The following ADGRB3 variants were observed in gnomAD, a reference collection of about 807,000 sequenced individuals.
The protein encoded by ADGRB3 is brain-specific angiogenesis inhibitor 3.
In ADGRB3, 37 loss-of-function variants were observed where a neutral mutation model predicts 193.4. The observed-to-expected ratio is 0.19, with a 90% CI of 0.15 to 0.25. ADGRB3 has a LOEUF of 0.25. ADGRB3 is among the 10% of genes least tolerant of loss of function. ADGRB3 has a pLI of 1.00. For synonymous variants in ADGRB3, 690 were observed against 644.2 expected, an observed-to-expected ratio of 1.07 and a Z score of -1.08; for missense variants, 1,637 against 1,852.9, an observed-to-expected ratio of 0.88 and a Z score of 2.14.
intron 3 of ADGRB3, among the ~76,000 whole-genome samples, chr6:68,685,128 AG>A (rs1764960060): frequency 6.6e-6 from 1 of 152,168 alleles, no homozygotes; most frequent in Non-Finnish European, 1.5e-5. Context: ...ACACAGACAG[AG>A]GTAGAGTTTC....
At chr6:69,065,765 AC>A (rs1771884855) in intron 16 of ADGRB3, among the ~76,000 whole-genome samples, 1 of 62,224 alleles carries the variant, frequency 1.6e-5, no homozygotes, top group Non-Finnish European at 4.2e-5. Flanking sequence ...GTATATATAT[AC>A]ACACACACAC....
At chr6:69,349,566 C>T (rs901620578) in intron 26 of ADGRB3, among the ~76,000 whole-genome samples, 23 of 152,126 alleles carry the variant, frequency 1.5e-4, no homozygotes, top group Admixed American at 5.9e-4. Context: ...TATCATAATA[C>T]ATATGAAATT....
intron 29 of ADGRB3, among the ~76,000 whole-genome samples, chr6:69,364,141 C>T (rs1769518494): frequency 6.6e-6 from 1 of 151,930 alleles, no homozygotes; most frequent in South Asian, 2.1e-4. Flanking sequence ...CCTCAGGATA[C>T]TTTCAAGGAT....
chr6:68,784,767 T>G (rs1766926026), intron 3 of ADGRB3, among the ~76,000 whole-genome samples: 1 of 152,132 alleles, frequency 6.6e-6, no homozygotes, highest in Non-Finnish European at 1.5e-5. Flanking sequence ...GATTTTACTT[T>G]CTCGTATGCA....
At chr6:68,799,391 C>T (rs1478318176) in intron 3 of ADGRB3, among the ~76,000 whole-genome samples, 2 of 152,060 alleles carry the variant, frequency 1.3e-5, no homozygotes, top group Non-Finnish European at 2.9e-5. Flanking sequence ...ATAAAGAAGA[C>T]AGAAGTTTGG....
At chr6:69,099,957 G>A (rs1033025196) in intron 17 of ADGRB3, among the ~76,000 whole-genome samples, 7 of 152,116 alleles carry the variant, frequency 4.6e-5, no homozygotes, top group Admixed American at 1.3e-4. Context: ...TATTCCTAAA[G>A]AACAAGCTCT....
chr6:69,116,619 CA>C (rs1428609535), intron 17 of ADGRB3, among the ~76,000 whole-genome samples: 38 of 152,188 alleles, frequency 2.5e-4, no homozygotes, highest in African/African-American at 8.9e-4. Flanking sequence ...AAACTGAAGG[CA>C]ATTTCTTGCT....
intron 3 of ADGRB3, among the ~76,000 whole-genome samples, chr6:68,686,065 C>G (rs1159496885): frequency 6.6e-6 from 1 of 152,016 alleles, no homozygotes; most frequent in Non-Finnish European, 1.5e-5. Context: ...TAAAGGCTTT[C>G]TTAAGATTAG....
At chr6:68,788,121 A>G (rs1293326361) in intron 3 of ADGRB3, among the ~76,000 whole-genome samples, 1 of 152,038 alleles carries the variant, frequency 6.6e-6, no homozygotes, top group Admixed American at 6.6e-5. Context: ...GGATTCATTA[A>G]TTTTTTGAAG....
intron 26 of ADGRB3, among the ~76,000 whole-genome samples, chr6:69,351,390 C>A (rs1302075583): frequency 6.6e-6 from 1 of 151,948 alleles, no homozygotes; most frequent in East Asian, 1.9e-4. Flanking sequence ...CCACGCCCTG[C>A]CCCCAGATAC....
chr6:68,955,058 C>T (rs1425996012), intron 6 of ADGRB3, among the ~76,000 whole-genome samples: 1 of 152,238 alleles, frequency 6.6e-6, no homozygotes, highest in African/African-American at 2.4e-5. Flanking sequence ...TTTTTTAAAA[C>T]TTCTGCAATC....
chr6:69,198,810 A>C (rs1009476940), intron 17 of ADGRB3, among the ~76,000 whole-genome samples: 2 of 152,136 alleles, frequency 1.3e-5, no homozygotes, highest in African/African-American at 4.8e-5. Context: ...AATGATGCCT[A>C]AATATGGTGT....
intron 6 of ADGRB3, among the ~76,000 whole-genome samples, chr6:68,951,743 C>A (rs973808824): frequency 6.6e-6 from 1 of 152,056 alleles, no homozygotes; most frequent in Admixed American, 6.6e-5. Context: ...TTTTTAAATT[C>A]GTAGGTTTGC....
intron 17 of ADGRB3, among the ~76,000 whole-genome samples, chr6:69,100,382 T>C (rs1772998747): frequency 6.6e-6 from 1 of 152,096 alleles, no homozygotes; most frequent in Non-Finnish European, 1.5e-5. Flanking sequence ...TATGTTCCAA[T>C]CCATAAAATG....
intron 15 of ADGRB3, 61 bp downstream of exon 15, chr6:69,049,407 C>A: frequency 8.2e-7 from 1 of 1,221,454 alleles, no homozygotes; most frequent in Non-Finnish European, 1.2e-6. Flanking sequence ...GTGATTATAG[C>A]TCATTCTATA....
chr6:69,102,422 T>A lies in ADGRB3; in HGVS notation c.2480+26384T>A, dbSNP rs183501785. Among the ~76,000 whole-genome samples, 710 of 152,334 alleles carry A rather than the reference T, an allele frequency of 4.7e-3. 11 individuals are homozygous for A. The highest frequency in any genetic ancestry group is 0.016 in the South Asian group (76 of 4,830). On this transcript the variant is annotated intron_variant, in intron 17 of 31. Coordinates refer to ENST00000370598, the MANE Select transcript of ADGRB3 (RefSeq NM_001704.3). ...TATGTGTATGTTTGTACATTTTAAA[T>A]GTTTTTAATGTACATCTAAAACTCC...
chr6:69,031,074 CTCT>C lies in ADGRB3; in HGVS notation c.2107+12579_2107+12581del, dbSNP rs200337715. Reference sequence around the variant, plus strand: ...CTCTTCTCTTCTCTTCTCTTCTCTTCTCTTCTCTTCTCTTCTCTTCTCTTCTCT... The same window carrying C: ...CTCTTCTCTTCTCTTCTCTTCTCTTCTCTCTTCTCTTCTCTTCTCTTCTCT... On this transcript the variant is annotated intron_variant, in intron 13 of 31. Transcript: ENST00000370598. 7.5e-3 allele frequency among the ~76,000 whole-genome samples: 510 copies of C among 67,644 alleles called. 44 individuals are homozygous for C. Among genetic ancestry groups the C allele is most frequent in the Middle Eastern group, 0.024 (2 of 82 alleles). The allele number at this position is 67,644 out of a possible 152,430, so 44.4% of individuals were successfully genotyped here.
intron 3 of ADGRB3, among the ~76,000 whole-genome samples, chr6:68,909,695 G>A (rs182431939): frequency 3.3e-5 from 5 of 152,158 alleles, no homozygotes; most frequent in Non-Finnish European, 5.9e-5. Flanking sequence ...TCTCAGAGTG[G>A]GACTTAAATG....
At chr6:68,874,607 T>C (rs778433360) in intron 3 of ADGRB3, among the ~76,000 whole-genome samples, 15 of 152,124 alleles carry the variant, frequency 9.9e-5, no homozygotes, top group Non-Finnish European at 2.2e-4. Flanking sequence ...CTTATTTATA[T>C]AGCTTAAAGA....
Sources: allele counts gnomAD v4.1 joint callset (sites outside exome capture counted in the v4.1 genomes callset), GRCh38; gene constraint gnomAD v4.1.1; transcripts MANE v1.5; gene names NCBI Gene and HGNC (gene_info 2026-07-23, HGNC 2026-07-21).